The following PPHLN1 variants were observed in gnomAD, a reference collection of about 807,000 sequenced individuals.
PPHLN1 encodes the protein periphilin-1.
A neutral mutation model predicts 51.3 loss-of-function variants in PPHLN1; 29 were observed. The ratio of observed to expected loss-of-function variants is 0.57; its 90% CI spans 0.42 to 0.77. PPHLN1 has a LOEUF of 0.77. Among genes scored for constraint, PPHLN1 ranks in the 30% least tolerant of loss-of-function variants. PPHLN1 has a pLI of 0.00. For missense variants in PPHLN1, 436 were observed against 438.4 expected, an observed-to-expected ratio of 0.99 and a Z score of 0.05; for synonymous variants, 147 against 147.8, an observed-to-expected ratio of 0.99 and a Z score of 0.04.
At position 42,421,595 on chromosome 12, in the gene PPHLN1, G is replaced by A. The variant is rs377632164; in HGVS notation, c.910-19720G>A. Among the ~76,000 whole-genome samples the A allele has an allele frequency of 1.6e-4, 24 of 152,208 alleles. No individual in the cohort carries two copies. In the East Asian group the frequency reaches 3.1e-3, roughly 20 times the overall value. ...ACTCCTGACCTTAGGCGATCCACCC[G>A]CCTCAGCCTTCCAAAGTGCTGGGAT... On this transcript the variant is annotated intron_variant, in intron 9 of 9. Transcript: ENST00000358314.
intron 5 of PPHLN1, among the ~76,000 whole-genome samples, chr12:42,380,644 T>G (rs748934779): frequency 5.3e-5 from 8 of 152,134 alleles, no homozygotes; most frequent in Non-Finnish European, 1.0e-4. Flanking sequence ...AAAAAACTAT[T>G]CTAGACTTAT....
At chr12:42,368,623 T>G (rs1190601078) in intron 4 of PPHLN1, among the ~76,000 whole-genome samples, 1 of 152,178 alleles carries the variant, frequency 6.6e-6, no homozygotes, top group Non-Finnish European at 1.5e-5. Flanking sequence ...TAAGTAAATG[T>G]GTTTCTCAAA....
intron 9 of PPHLN1, chr12:42,431,931 A>ATGACGATTAGTACTGTG: frequency 6.5e-7 from 1 of 1,533,248 alleles, no homozygotes; most frequent in South Asian, 1.1e-5. Flanking sequence ...GAGACCTCGT[A>ATGACGATTAGTACTGTG]TGACGATTAG....
chr12:42,391,398 C>G (rs1446848121), intron 7 of PPHLN1, among the ~76,000 whole-genome samples: 1 of 152,088 alleles, frequency 6.6e-6, no homozygotes, highest in Non-Finnish European at 1.5e-5. Flanking sequence ...GCCACCACAC[C>G]TGGCTAATTT....
chr12:42,381,497 T>A (rs1243798843), intron 5 of PPHLN1, among the ~76,000 whole-genome samples: 2 of 152,208 alleles, frequency 1.3e-5, no homozygotes, highest in Non-Finnish European at 2.9e-5. Flanking sequence ...AAGTATTCAG[T>A]CAGTTGGCCT....
downstream of PPHLN1, chr12:42,442,666 G>C: frequency 6.2e-7 from 1 of 1,614,132 alleles, no homozygotes; most frequent in South Asian, 1.1e-5. Context: ...CTTGGCAGCA[G>C]GTACCCCCTG....
intron 4 of PPHLN1, among the ~76,000 whole-genome samples, chr12:42,356,257 T>C (rs566633965): frequency 7.9e-5 from 12 of 152,318 alleles, no homozygotes; most frequent in Admixed American, 1.3e-4. Context: ...GCAAGACAGA[T>C]TTTTATTCAC....
downstream of PPHLN1, chr12:42,442,541 T>C: frequency 6.6e-7 from 1 of 1,513,654 alleles, no homozygotes. Context: ...TTATCAGGAC[T>C]GCACTCTCTT....
Position 42,411,126 on chromosome 12 carries a change from A to AT in PPHLN1, c.909+12141dup, listed in dbSNP as rs201061885. On this transcript the variant is annotated intron_variant, in intron 9 of 9. Transcript: ENST00000358314. ...ATGTCCTCCAGTTGAAATTAGGTCG[A>AT]TTTTTTTTTATCCTTTCATTTTCCT... Among the ~76,000 whole-genome samples, 898 of 149,388 alleles carry AT rather than the reference A, an allele frequency of 6.0e-3. 8 individuals carry two copies. Among genetic ancestry groups the AT allele is most frequent in the African/African-American group, 0.02 (806 of 39,826 alleles).
chr12:42,358,120 A>G lies in PPHLN1; in HGVS notation c.299+2898A>G, dbSNP rs566375613. Reference sequence around the variant, plus strand: ...TATATGTACTACATTTTCTTTATCCAGTCATCCATTGACGGACATTTAGGT... The same window carrying G: ...TATATGTACTACATTTTCTTTATCCGGTCATCCATTGACGGACATTTAGGT... On this transcript the variant is annotated intron_variant, in intron 4 of 9. Transcript: ENST00000358314. Among the ~76,000 whole-genome samples, 4 of 152,242 alleles carry G rather than the reference A, an allele frequency of 2.6e-5. No individual in the cohort carries two copies. In the East Asian group the frequency reaches 7.7e-4, roughly 29 times the overall value.
intron 9 of PPHLN1, among the ~76,000 whole-genome samples, chr12:42,437,593 G>A (rs894706277): frequency 9.2e-5 from 14 of 152,030 alleles, no homozygotes; most frequent in Middle Eastern, 3.4e-3. Flanking sequence ...TTATATGCCC[G>A]TTCTCCCTAC....
At chr12:42,443,066 T>G, downstream of PPHLN1, 1 of 211,284 alleles carries the variant, frequency 4.7e-6, no homozygotes, top group South Asian at 9.3e-5. Flanking sequence ...TAGTTAAGGC[T>G]ACTTTGGCCT....
intron 2 of PPHLN1, among the ~76,000 whole-genome samples, chr12:42,344,746 T>C (rs1053621077): frequency 1.3e-5 from 2 of 149,948 alleles, no homozygotes; most frequent in African/African-American, 4.9e-5. Flanking sequence ...TCTTGCTCTG[T>C]TGCCCAGGCT....
chr12:42,436,864 T>C (rs2082527891), intron 9 of PPHLN1, among the ~76,000 whole-genome samples: 1 of 152,214 alleles, frequency 6.6e-6, no homozygotes, highest in South Asian at 2.1e-4. Flanking sequence ...TTAAGGATTG[T>C]TTGTTTCTGG....
At chr12:42,412,660 G>C (rs1218280168) in intron 9 of PPHLN1, among the ~76,000 whole-genome samples, 2 of 152,070 alleles carry the variant, frequency 1.3e-5, no homozygotes, top group Non-Finnish European at 2.9e-5. Flanking sequence ...AGGATTGCTG[G>C]ATTGGATGGT....
chr12:42,394,040 T>C (rs1166461243), intron 8 of PPHLN1, among the ~76,000 whole-genome samples: 11 of 152,132 alleles, frequency 7.2e-5, no homozygotes, highest in Non-Finnish European at 1.5e-5. Flanking sequence ...AACAGAAATC[T>C]AATTTGACCT....
Position 42,408,508 on chromosome 12 carries a change from A to G in PPHLN1, c.909+9514A>G, listed in dbSNP as rs148814683. 1.7e-3 allele frequency among the ~76,000 whole-genome samples: 261 copies of G among 152,304 alleles called. 1 individual carries two copies. Among genetic ancestry groups the G allele is most frequent in the South Asian group, 8.5e-3 (41 of 4,828 alleles). On this transcript the variant is annotated intron_variant, in intron 9 of 9. Coordinates refer to ENST00000358314, the MANE Select transcript of PPHLN1 (RefSeq NM_201439.2). Reference sequence around the variant, plus strand: ...GTAGAAGGATTAACAGAGAATTACCAAAGTACATAATGGTGTATTACTTTA... The same window carrying G: ...GTAGAAGGATTAACAGAGAATTACCGAAGTACATAATGGTGTATTACTTTA...
chr12:42,411,986 C>T (rs947021904), intron 9 of PPHLN1, among the ~76,000 whole-genome samples: 2 of 150,190 alleles, frequency 1.3e-5, no homozygotes, highest in Non-Finnish European at 3.0e-5. Flanking sequence ...GCAGGCGGAT[C>T]ACGAGGTCAG....
intron 2 of PPHLN1, among the ~76,000 whole-genome samples, chr12:42,350,772 G>GGCCAACAC (rs2073215806): frequency 6.6e-6 from 1 of 152,126 alleles, no homozygotes; most frequent in African/African-American, 2.4e-5. Flanking sequence ...AGACCAGCCC[G>GGCCAACAC]GCCAACACGG....
Sources: gnomAD v4.1 joint callset for allele counts (sites outside exome capture counted in the v4.1 genomes callset) on GRCh38, gnomAD v4.1.1 for gene constraint, MANE v1.5 for transcripts, NCBI Gene and HGNC (gene_info 2026-07-23, HGNC 2026-07-21) for gene names.